The following FAM81A variants were observed in gnomAD, a reference collection of about 807,000 sequenced individuals.
FAM81A encodes protein FAM81A.
A neutral mutation model predicts 46.7 loss-of-function variants in FAM81A; 19 were observed. The ratio of observed to expected loss-of-function variants is 0.41; its 90% confidence interval spans 0.28 to 0.60. The LOEUF is 0.60. FAM81A is among the 20% of genes least tolerant of loss of function. The pLI, the probability that FAM81A is intolerant of heterozygous loss-of-function variation, is 0.34. For synonymous variants in FAM81A, 183 were observed against 152.9 expected, an observed-to-expected ratio of 1.20 and a Z score of -1.45; for missense variants, 377 against 453.5, an observed-to-expected ratio of 0.83 and a Z score of 1.53.
rs2082273124 is a variant in FAM81A at position 59,516,850 on chromosome 15, A to C, written c.982+10A>C. 6.3e-7 allele frequency: 1 copy of C among 1,582,872 alleles called. No individual in the cohort carries two copies. Among genetic ancestry groups the C allele is most frequent in the Admixed American group, 2.0e-5 (1 of 50,588 alleles). On this transcript the variant is annotated intron_variant, in intron 8 of 8. Coordinates refer to ENST00000288228, the MANE Select transcript of FAM81A (RefSeq NM_152450.3). ...GCAGAAGTTAATGCTGGTAGGCCAA[A>C]ACCAGAACAGCTCACGTGCTTTATT...
intron 4 of FAM81A, among the ~76,000 whole-genome samples, chr15:59,501,793 T>C (rs1328806188): frequency 1.3e-5 from 2 of 152,218 alleles, no homozygotes; most frequent in Non-Finnish European, 2.9e-5. Context: ...AGTACATTAT[T>C]GTTCATCATG....
chr15:59,485,753 A>C (rs1464176944), intron 3 of FAM81A, among the ~76,000 whole-genome samples: 4 of 152,270 alleles, frequency 2.6e-5, no homozygotes, highest in Admixed American at 6.5e-5. Flanking sequence ...ACCAGAAGTC[A>C]ATCCCAGAGA....
chr15:59,431,727 C>T (rs1422795130), intron 2 of FAM81A, among the ~76,000 whole-genome samples: 1 of 152,218 alleles, frequency 6.6e-6, no homozygotes, highest in Non-Finnish European at 1.5e-5. Context: ...CTTGCCCAAG[C>T]ACATACAGAT....
At chr15:59,451,776 G>C (rs1235750450) in intron 1 of FAM81A, among the ~76,000 whole-genome samples, 1 of 151,216 alleles carries the variant, frequency 6.6e-6, no homozygotes, top group African/African-American at 2.4e-5. Flanking sequence ...GTCTCTTCAA[G>C]CTCTGCTTTT....
intron 8 of FAM81A, among the ~76,000 whole-genome samples, chr15:59,519,730 T>C (rs1314998835): frequency 2.0e-5 from 3 of 152,028 alleles, no homozygotes; most frequent in Admixed American, 6.6e-5. Context: ...TTGTGACAAA[T>C]GGCAGGCTCT....
chr15:59,490,941 G>A (rs1471190474), intron 3 of FAM81A, among the ~76,000 whole-genome samples: 1 of 152,190 alleles, frequency 6.6e-6, no homozygotes, highest in African/African-American at 2.4e-5. Flanking sequence ...ATGGAGAAAA[G>A]GGAGCACTCA....
At chr15:59,490,579 C>A (rs2081970096) in intron 3 of FAM81A, among the ~76,000 whole-genome samples, 2 of 152,148 alleles carry the variant, frequency 1.3e-5, no homozygotes, top group Admixed American at 1.3e-4. Flanking sequence ...CACCTGTAAT[C>A]CCAGCACTTT....
chr15:59,510,805 AAAG>A, intron 6 of FAM81A, among the ~76,000 whole-genome samples: 3 of 149,312 alleles, frequency 2.0e-5, no homozygotes, highest in Admixed American at 6.7e-5. Flanking sequence ...AAAAAAAAAA[AAAG>A]AACTCAAAGT....
At chr15:59,502,845 A>C (rs536685741) in intron 4 of FAM81A, among the ~76,000 whole-genome samples, 113 of 152,020 alleles carry the variant, frequency 7.4e-4, no homozygotes, top group African/African-American at 2.7e-3. Context: ...AGTCTTTGGT[A>C]TCTTACCTTG....
intron 1 of FAM81A, among the ~76,000 whole-genome samples, chr15:59,443,606 C>T (rs1396276233): frequency 6.6e-6 from 1 of 152,150 alleles, no homozygotes; most frequent in Non-Finnish European, 1.5e-5. Flanking sequence ...GAGTGTGTCC[C>T]TTTCAGTGCA....
At chr15:59,484,241 CAT>C (rs2081890306) in intron 3 of FAM81A, among the ~76,000 whole-genome samples, 4 of 152,324 alleles carry the variant, frequency 2.6e-5, no homozygotes, top group South Asian at 4.1e-4. Context: ...CCAAGTGTCA[CAT>C]AAAATTTCTT....
intron 4 of FAM81A, among the ~76,000 whole-genome samples, chr15:59,504,285 G>A (rs1428708182): frequency 6.6e-6 from 1 of 152,002 alleles, no homozygotes; most frequent in Non-Finnish European, 1.5e-5. Flanking sequence ...GATTTGTGAG[G>A]ATTAATGAAA....
intron 3 of FAM81A, among the ~76,000 whole-genome samples, chr15:59,489,749 C>T (rs2081962386): frequency 6.6e-6 from 1 of 152,114 alleles, no homozygotes; most frequent in Admixed American, 6.6e-5. Flanking sequence ...AGAAACAAAT[C>T]CATACATCTA....
At chr15:59,483,787 A>G (rs1177563031) in intron 3 of FAM81A, among the ~76,000 whole-genome samples, 1 of 152,222 alleles carries the variant, frequency 6.6e-6, no homozygotes, top group Non-Finnish European at 1.5e-5. Context: ...ATAGGCAGGC[A>G]GGAAAGCCTG....
intron 2 of FAM81A, among the ~76,000 whole-genome samples, chr15:59,431,646 C>T (rs1259129354): frequency 6.6e-6 from 1 of 151,928 alleles, no homozygotes; most frequent in African/African-American, 2.4e-5. Context: ...ATTATGGGCA[C>T]CTGCCATGGT....
At chr15:59,406,029 G>A (rs545170171) in intron 2 of FAM81A, among the ~76,000 whole-genome samples, 137 of 152,312 alleles carry the variant, frequency 9.0e-4, no homozygotes, top group African/African-American at 3.2e-3. Context: ...ACTCGACCCA[G>A]AAAGAGGTGG....
At chr15:59,405,412 G>A (rs1433817944) in intron 2 of FAM81A, among the ~76,000 whole-genome samples, 3 of 152,008 alleles carry the variant, frequency 2.0e-5, no homozygotes, top group Admixed American at 6.6e-5. Flanking sequence ...AGGCTGAGGC[G>A]GGTGGATCTC....
chr15:59,492,835 CAA>C (rs1414150750), intron 4 of FAM81A, among the ~76,000 whole-genome samples: 1 of 152,144 alleles, frequency 6.6e-6, no homozygotes, highest in African/African-American at 2.4e-5. Context: ...GCTATTTTCT[CAA>C]AGTGTGCTGC....
intron 1 of FAM81A, among the ~76,000 whole-genome samples, chr15:59,449,252 A>G (rs928061127): frequency 5.9e-5 from 9 of 151,890 alleles, no homozygotes; most frequent in African/African-American, 1.9e-4. Context: ...TGGTTTACAT[A>G]TTTTTTTTAA....
Sources: gnomAD v4.1 joint callset for allele counts (sites outside exome capture counted in the v4.1 genomes callset) on GRCh38, gnomAD v4.1.1 for gene constraint, MANE v1.5 for transcripts, NCBI Gene and HGNC (gene_info 2026-07-23, HGNC 2026-07-21) for gene names.